The following AASDH variants were observed in gnomAD, a reference collection of about 807,000 sequenced individuals.
AASDH encodes beta-alanine-activating enzyme.
Under a neutral mutation model 102.3 loss-of-function variants are expected in AASDH, and 81 were observed. The ratio of observed to expected loss-of-function variants is 0.79; its 90% confidence interval spans 0.66 to 0.95. AASDH has a LOEUF of 0.95. Ranked by LOEUF, AASDH falls within the 40% of genes least tolerant of loss-of-function variation. AASDH has a pLI of 0.00. For synonymous variants in AASDH, 398 were observed against 454.0 expected (o/e 0.88, Z 1.57); for missense variants, 1,203 against 1,266.2 (o/e 0.95, Z 0.76).
intron 6 of AASDH, 87 bp downstream of exon 6, chr4:56,355,095 C>T (rs924727700): frequency 2.5e-5 from 36 of 1,436,450 alleles, no homozygotes; most frequent in Non-Finnish European, 3.4e-5. Context: ...AAATTATTAC[C>T]CCAGCACCTA....
At chr4:56,374,311 T>G (rs1752086260) in intron 4 of AASDH, among the ~76,000 whole-genome samples, 1 of 139,716 alleles carries the variant, frequency 7.2e-6, no homozygotes, top group Admixed American at 7.9e-5. Flanking sequence ...GAAGTTGCAG[T>G]GAGCAGAGAC....
chr4:56,369,767 CT>C (rs1323040751), intron 5 of AASDH, among the ~76,000 whole-genome samples: 1 of 151,654 alleles, frequency 6.6e-6, no homozygotes, highest in African/African-American at 2.4e-5. Flanking sequence ...TCACAAAATG[CT>C]GTCTCTATTA....
In AASDH at chr4:56,370,222, G is replaced by A. The variant is rs534273713; in HGVS notation, c.861+1229C>T. On this transcript the variant is annotated intron_variant, in intron 5 of 14. Transcript: ENST00000205214. ...TACCAAAAATACAAAAATTAGCCTG[G>A]TGTGGTGGCGGGTGCCTGTAATCCC... 1.4e-3 allele frequency among the ~76,000 whole-genome samples: 206 copies of A among 151,956 alleles called. 1 individual carries two copies. Among genetic ancestry groups the A allele is most frequent in the Admixed American group, 2.0e-3 (30 of 15,242 alleles).
In AASDH at chr4:56,352,843, G is replaced by A. The variant is rs75918125; in HGVS notation, c.1576+561C>T. On this transcript the variant is annotated intron_variant, in intron 9 of 14. Transcript: ENST00000205214. Reference sequence around the variant, plus strand: ...ACCGACTTTCCTGAGTCTCCAGCTTGCCAAAGGGAGATATTAGACTTCTTA... The same window carrying A: ...ACCGACTTTCCTGAGTCTCCAGCTTACCAAAGGGAGATATTAGACTTCTTA... Among the ~76,000 whole-genome samples, 4 of 152,326 alleles carry A rather than the reference G, an allele frequency of 2.6e-5. No individual in the cohort carries two copies. In the East Asian group the frequency reaches 7.7e-4, roughly 29 times the overall value.
Position 56,351,581 on chromosome 4 carries a change from T to TC in AASDH, c.1577-125_1577-124insG. 3 of 585,956 alleles carry TC rather than the reference T, an allele frequency of 5.1e-6. No individual in the cohort carries two copies. The South Asian group carries it at 7.3e-5, about 14-fold the overall frequency. 36.3% of individuals were successfully genotyped at this position (585,956 alleles called of 1,614,324 possible). A position where few individuals can be genotyped will look rare whatever the true frequency, so the allele number is the denominator to read the frequency against. ...ACACAGAAATCATATAAAGAGTTTG[T>TC]TGTCAACAATCAATTCTAAAAAGTT... On this transcript the variant is annotated intron_variant, in intron 9 of 14. Coordinates refer to ENST00000205214, the MANE Select transcript of AASDH (RefSeq NM_181806.4).
At chr4:56,357,964 A>G (rs936718171) in intron 5 of AASDH, among the ~76,000 whole-genome samples, 1 of 152,022 alleles carries the variant, frequency 6.6e-6, no homozygotes, top group African/African-American at 2.4e-5. Flanking sequence ...CAATATTAAA[A>G]CTTCTAATCT....
intron 5 of AASDH, among the ~76,000 whole-genome samples, chr4:56,362,182 TC>T (rs1174617351): frequency 1.3e-5 from 2 of 152,098 alleles, no homozygotes; most frequent in African/African-American, 2.4e-5. Context: ...GAGGCCTTTT[TC>T]CCCCCACAGT....
At chr4:56,356,850 T>C (rs549826992) in intron 5 of AASDH, 64 of 878,528 alleles carry the variant, frequency 7.3e-5, no homozygotes, top group South Asian at 7.2e-4. Context: ...GGGGCGGCAA[T>C]GTCCTGGCTC....
intron 14 of AASDH, among the ~76,000 whole-genome samples, chr4:56,340,741 C>G (rs1222991303): frequency 6.6e-6 from 1 of 152,124 alleles, no homozygotes; most frequent in East Asian, 1.9e-4. Context: ...AAGAGACAGC[C>G]TGTTGAATGG....
At chr4:56,376,446 T>A (rs1279498028) in intron 4 of AASDH, among the ~76,000 whole-genome samples, 1 of 152,196 alleles carries the variant, frequency 6.6e-6, no homozygotes, top group African/African-American at 2.4e-5. Flanking sequence ...TATCTCCTAT[T>A]CTCTTATCTC....
At position 56,353,506 on chromosome 4, in the gene AASDH, A is replaced by C. The variant is rs1749236600; in HGVS notation, c.1474T>G (p.Ser492Ala). 6.2e-7 allele frequency: 1 copy of C among 1,613,860 alleles called. No individual in the cohort carries two copies. The highest frequency in any genetic ancestry group is 8.5e-7 in the Non-Finnish European group (1 of 1,179,938). ...TCTTTAAAGATGTATTCTTTTACTG[A>C]AGCATCTTTAGACACCATGAAGAGA... is the stretch of plus-strand genomic sequence containing the variant. ...LILFMVSKDA[S>A]VKEYIFKELQ... Residue 492 changes from serine (S) to alanine (A), a missense_variant, in exon 9 of 15, where the codon TCA (serine) becomes GCA (alanine). Transcript: ENST00000205214.
rs939081141 is a variant in AASDH, at chr4:56,364,210, C to T, written c.861+7241G>A. 5.3e-5 allele frequency among the ~76,000 whole-genome samples: 8 copies of T among 152,112 alleles called. No homozygotes were observed. The South Asian group carries it at 8.3e-4, about 16-fold the overall frequency. On this transcript the variant is annotated intron_variant, in intron 5 of 14. Coordinates refer to ENST00000205214, the MANE Select transcript of AASDH (RefSeq NM_181806.4). ...ATGAACAAAGCCTCCAAGAAATATG[C>T]GACTATGTGACAAGACCAAATCTAC...
In AASDH at chr4:56,353,575, C is replaced by T. The variant is rs369033481; in HGVS notation, c.1405G>A (p.Val469Met). Reference sequence around the variant, plus strand: ...TACCATGTAACTGCACAAGACTCCACTTGCTGAAGCTCTTCAGCAACCTAT... The same window carrying T: ...TACCATGTAACTGCACAAGACTCCATTTGCTGAAGCTCTTCAGCAACCTAT... Reference protein sequence around the residue: ...VQQVAEELQQVESCAVTWYNQ... With the variant: ...VQQVAEELQQMESCAVTWYNQ... Residue 469 changes from valine (V) to methionine (M), a missense_variant, in exon 9 of 15, where the codon GTG becomes ATG. Coordinates refer to ENST00000205214, the MANE Select transcript of AASDH (RefSeq NM_181806.4). The T allele has an allele frequency of 2.0e-5, 32 of 1,611,078 alleles. No individual in the cohort carries two copies. The African/African-American group carries it at 4.1e-4, about 21-fold the overall frequency.
chr4:56,385,238 T>C (rs1348774499), intron 1 of AASDH, among the ~76,000 whole-genome samples: 1 of 152,220 alleles, frequency 6.6e-6, no homozygotes, highest in African/African-American at 2.4e-5. Flanking sequence ...GACAACTATA[T>C]ATAAAAACAG....
At position 56,349,410 on chromosome 4, in the gene AASDH, A is replaced by G. The variant is rs1485731212; in HGVS notation, c.2341T>C (p.Ser781Pro). The G allele has an allele frequency of 6.2e-7, 1 of 1,614,070 alleles. No individual in the cohort carries two copies. Among genetic ancestry groups the G allele is most frequent in the African/African-American group, 1.3e-5 (1 of 74,914 alleles). The change falls in exon 11 of 15, where the codon TCA (serine) becomes CCA (proline). Residue 781 changes from serine (S) to proline (P), a missense_variant. Ser to Pro is a moderately conservative substitution (Grantham distance 74). Transcript: ENST00000205214. ...GAACCAATGTACACAGTTGTAGATG[A>G]CTTATCAAAAGTGGGTATTACAACC... The part of the protein sequence containing the change: ...PLVVIPTFDK[S>P]STTVYIGSHS...
At chr4:56,384,446 C>A in intron 1 of AASDH, 105 bp from the exon 2 acceptor site, 1 of 599,954 alleles carries the variant, frequency 1.7e-6, no homozygotes, top group South Asian at 2.2e-5. Context: ...ATAATTATAT[C>A]AAAGATATAT....
chr4:56,351,000 C>CTA (rs1236567978), intron 10 of AASDH, among the ~76,000 whole-genome samples: 6 of 152,212 alleles, frequency 3.9e-5, no homozygotes, highest in Non-Finnish European at 7.3e-5. Flanking sequence ...ACGCACTGTG[C>CTA]TATAGCAAGA....
At chr4:56,359,383 C>G (rs1750027152) in intron 5 of AASDH, among the ~76,000 whole-genome samples, 1 of 152,108 alleles carries the variant, frequency 6.6e-6, no homozygotes, top group Admixed American at 6.5e-5. Flanking sequence ...CCTCAGCCTC[C>G]TGAGTAGCTG....
rs1314665724 is a variant in AASDH, at chr4:56,349,482, C to T, written c.2269G>A (p.Val757Met). 1 of 1,614,196 alleles carries T rather than the reference C, an allele frequency of 6.2e-7. No homozygotes were observed. Among genetic ancestry groups the T allele is most frequent in the Non-Finnish European group, 8.5e-7 (1 of 1,180,024 alleles). Residue 757 changes from valine (V) to methionine (M), a missense_variant, in exon 11 of 15, where the codon GTG becomes ATG. Val to Met is a conservative substitution (Grantham distance 21, BLOSUM62 1). Transcript: ENST00000205214. ...AIGTQKMELH[V>M]RWRSDTGKCV... is the part of the protein sequence containing the mutation. Reference sequence around the variant, plus strand: ...TTGCCTGTGTCTGACCTCCACCTCACATGTAACTCCATTTTCTGAGTCCCT... The same window carrying T: ...TTGCCTGTGTCTGACCTCCACCTCATATGTAACTCCATTTTCTGAGTCCCT...
Sources: allele counts gnomAD v4.1 joint callset (sites outside exome capture counted in the v4.1 genomes callset), GRCh38; gene constraint gnomAD v4.1.1; transcripts MANE v1.5; gene names NCBI Gene and HGNC (gene_info 2026-07-23, HGNC 2026-07-21).